ARHGAP21: variants seen among roughly 807,000 people sequenced by gnomAD.
ARHGAP21 encodes Rho GTPase activating protein 21.
In ARHGAP21, 38 loss-of-function variants were observed where a neutral mutation model predicts 164.6. The observed-to-expected ratio is 0.23, with a 90% CI of 0.18 to 0.30. The LOEUF is 0.30. Among genes scored for constraint, ARHGAP21 ranks in the 10% least tolerant of loss-of-function variants. The pLI is 1.00. For synonymous variants in ARHGAP21, 766 were observed against 857.9 expected, an observed-to-expected ratio of 0.89 and a Z score of 1.87; for missense variants, 1,822 against 2,370.7, an observed-to-expected ratio of 0.77 and a Z score of 4.81.
intron 2 of ARHGAP21, among the ~76,000 whole-genome samples, chr10:24,672,443 T>G (rs1013234171): frequency 3.9e-5 from 6 of 152,204 alleles, no homozygotes; most frequent in Non-Finnish European, 8.8e-5. Flanking sequence ...TATGGACTTC[T>G]CTAGCTATAC....
At chr10:24,662,760 A>C (rs1454970139) in intron 4 of ARHGAP21, among the ~76,000 whole-genome samples, 1 of 152,084 alleles carries the variant, frequency 6.6e-6, no homozygotes, top group Non-Finnish European at 1.5e-5. Context: ...TTGAATTTCT[A>C]TTTCTCTCAT....
rs1248352219 is a variant in ARHGAP21 at position 24,590,515 on chromosome 10, A to G, written c.4150+710T>C. ...TCAGTATAGATTTGCCTGTGTCAGT[A>G]AGAGCTGAAAAAACCCTTTAGGACT... is the stretch of plus-strand genomic sequence containing the variant. On this transcript the variant is annotated intron_variant, in intron 24 of 25. Coordinates refer to ENST00000396432, the MANE Select transcript of ARHGAP21 (RefSeq NM_020824.4). 2.0e-6 allele frequency: 3 copies of G among 1,530,978 alleles called. No individual in the cohort carries two copies. In the Admixed American group the frequency reaches 5.9e-5, roughly 30 times the overall value. 94.8% of individuals were successfully genotyped at this position (1,530,978 alleles called of 1,614,324 possible).
chr10:24,593,280 A>G (rs2076417717), intron 21 of ARHGAP21, among the ~76,000 whole-genome samples: 1 of 152,210 alleles, frequency 6.6e-6, no homozygotes, highest in Admixed American at 6.5e-5. Flanking sequence ...TGTGTGGGAA[A>G]GGTGTACTTA....
At chr10:24,714,744 T>G (rs991678710) in intron 2 of ARHGAP21, among the ~76,000 whole-genome samples, 1 of 152,130 alleles carries the variant, frequency 6.6e-6, no homozygotes, top group Non-Finnish European at 1.5e-5. Flanking sequence ...TTTTTAAAAA[T>G]TGTTTTTTGG....
At chr10:24,714,386 A>C (rs373366710) in intron 2 of ARHGAP21, 1 of 152,248 alleles carries the variant, frequency 6.6e-6, no homozygotes. Flanking sequence ...AACCTGGAAG[A>C]AATGAATGGG....
chr10:24,589,392 G>A, intron 24 of ARHGAP21, 90 bp from the exon 25 acceptor site: 5 of 1,220,320 alleles, frequency 4.1e-6, no homozygotes, highest in Non-Finnish European at 5.8e-6. Flanking sequence ...GACAGGCACA[G>A]AACAAAATGT....
chr10:24,596,637 A>G, intron 17 of ARHGAP21, 103 bp downstream of exon 17: 5 of 1,507,554 alleles, frequency 3.3e-6, no homozygotes, highest in Non-Finnish European at 4.5e-6. Flanking sequence ...AAAGGAAAAC[A>G]GATTGACAGT....
chr10:24,604,446 AATC>A, intron 11 of ARHGAP21, 98 bp from the exon 12 acceptor site: 2 of 762,052 alleles, frequency 2.6e-6, no homozygotes, highest in Non-Finnish European at 4.1e-6. Flanking sequence ...TTTCAATAAT[AATC>A]TGACATTTCA....
At chr10:24,705,232 C>T (rs1844118618) in intron 2 of ARHGAP21, among the ~76,000 whole-genome samples, 1 of 152,154 alleles carries the variant, frequency 6.6e-6, no homozygotes, top group South Asian at 2.1e-4. Context: ...CTTCGTTAGG[C>T]TCCTGGTATT....
chr10:24,643,664 C>T (rs905630441), intron 4 of ARHGAP21, among the ~76,000 whole-genome samples: 4 of 152,156 alleles, frequency 2.6e-5, no homozygotes, highest in Non-Finnish European at 5.9e-5. Context: ...TCAAAGCATT[C>T]GATGTGCCAA....
At chr10:24,588,273 T>G (rs1012504442) in intron 25 of ARHGAP21, among the ~76,000 whole-genome samples, 29 of 151,862 alleles carry the variant, frequency 1.9e-4, no homozygotes, top group Admixed American at 1.9e-3. Flanking sequence ...GCTGAAGTAT[T>G]TAGGAGTAGT....
intron 4 of ARHGAP21, among the ~76,000 whole-genome samples, chr10:24,656,151 C>T (rs1447695444): frequency 1.1e-4 from 14 of 131,300 alleles, no homozygotes; most frequent in African/African-American, 2.9e-4. Flanking sequence ...CCACCCCGTC[C>T]GGGAGGGAGG....
chr10:24,622,433 CATATATATATATATATATATATATATAT>C (rs10530408), intron 8 of ARHGAP21, among the ~76,000 whole-genome samples: 926 of 89,776 alleles, frequency 0.01, 38 homozygotes, highest in African/African-American at 0.031. Flanking sequence ...ACTTAAAAAA[CATATATATATATATATATATATATATAT>C]ATATATATAT....
intron 24 of ARHGAP21, chr10:24,590,935 T>C (rs2076299540): frequency 9.5e-6 from 9 of 951,662 alleles, no homozygotes; most frequent in Non-Finnish European, 9.9e-6. Context: ...ATGGAAACTG[T>C]GAATTAAAAA....
intron 25 of ARHGAP21, among the ~76,000 whole-genome samples, chr10:24,586,444 C>T (rs1051722278): frequency 6.6e-6 from 1 of 152,136 alleles, no homozygotes; most frequent in Non-Finnish European, 1.5e-5. Flanking sequence ...CCCAGGCATT[C>T]TTCACTTCCT....
intron 9 of ARHGAP21, among the ~76,000 whole-genome samples, chr10:24,612,650 C>G (rs776092567): frequency 6.6e-6 from 1 of 151,988 alleles, no homozygotes; most frequent in Non-Finnish European, 1.5e-5. Flanking sequence ...GTCAGGAGAT[C>G]AAGACCATCC....
intron 2 of ARHGAP21, among the ~76,000 whole-genome samples, chr10:24,691,997 T>C (rs538843686): frequency 6.6e-6 from 1 of 152,244 alleles, no homozygotes; most frequent in East Asian, 1.9e-4. Context: ...AAGCTAGAAA[T>C]AAGAAACATG....
intron 2 of ARHGAP21, among the ~76,000 whole-genome samples, chr10:24,687,641 T>C (rs767434085): frequency 3.9e-5 from 6 of 152,204 alleles, no homozygotes; most frequent in Non-Finnish European, 8.8e-5. Flanking sequence ...TAAAATCTTG[T>C]TTACTCTGAA....
chr10:24,595,027 G>A lies in ARHGAP21; in HGVS notation c.3799C>T (p.Pro1267Ser). ...KTLKRLIHDL[P>S]EHHYETLKFL... Reference sequence around the variant, plus strand: ...TTAAGTGTTTCATAATGATGTTCAGGCAAATCGTGAATCTGAAACAGATTA... The same window carrying A: ...TTAAGTGTTTCATAATGATGTTCAGACAAATCGTGAATCTGAAACAGATTA... Residue 1267 changes from proline to serine, a missense_variant, in exon 21 of 26, where the codon CCT (proline) becomes TCT (serine). By Grantham distance (74) the Pro-to-Ser change is moderately conservative. This residue lies in a region of ARHGAP21 where 117 missense variants were observed against 238.1 expected (regional missense o/e 0.49). Coordinates refer to ENST00000396432, the MANE Select transcript of ARHGAP21 (RefSeq NM_020824.4). The A allele has an allele frequency of 6.2e-7, 1 of 1,612,706 alleles. No individual in the cohort carries two copies. Among genetic ancestry groups the A allele is most frequent in the Non-Finnish European group, 8.5e-7 (1 of 1,179,126 alleles).
Sources: gnomAD v4.1 joint callset for allele counts (sites outside exome capture counted in the v4.1 genomes callset) on GRCh38, gnomAD v4.1.1 for gene constraint, gnomAD v4.1.1 regional missense constraint, MANE v1.5 for transcripts, NCBI Gene and HGNC (gene_info 2026-07-23, HGNC 2026-07-21) for gene names.